C14orf39: variants seen among roughly 807,000 people sequenced by gnomAD.
C14orf39 encodes the protein chromosome 14 open reading frame 39, also known as protein SIX6OS1.
A neutral mutation model predicts 85.6 loss-of-function variants in C14orf39; 66 were observed. The ratio of observed to expected loss-of-function variants is 0.77; its 90% CI spans 0.63 to 0.95. The LOEUF (loss-of-function observed/expected upper bound fraction) is 0.95, where lower values mean the gene tolerates loss of function less well. Ranked by LOEUF, C14orf39 falls within the 40% of genes least tolerant of loss-of-function variation. The pLI, the probability that C14orf39 is intolerant of heterozygous loss-of-function variation, is 0.00. For missense variants in C14orf39, 735 were observed against 663.9 expected (o/e 1.11, Z -1.18); for synonymous variants, 242 against 214.0 (o/e 1.13, Z -1.14).
intron 5 of C14orf39, among the ~76,000 whole-genome samples, chr14:60,471,977 C>T (rs1892109573): frequency 6.6e-6 from 1 of 151,932 alleles, no homozygotes; most frequent in Non-Finnish European, 1.5e-5. Context: ...AACTCCTACT[C>T]CCACTATTTT....
rs1892751075 is a variant in C14orf39, at chr14:60,483,749, C to T, written c.175G>A (p.Asp59Asn). 6.3e-7 allele frequency: 1 copy of T among 1,588,858 alleles called. No individual in the cohort carries two copies. The highest frequency in any genetic ancestry group is 1.3e-5 in the African/African-American group (1 of 74,226). ...TTACAGTAATGATCAATTTCCTCAT[C>T]TGTTGCATTTATAGTTTCGTGTATC... ...CRIHETINAT[D>N]EEIDHYCKHS... Residue 59 changes from aspartate (D) to asparagine (N), a missense_variant, in exon 4 of 18, where the codon GAT becomes AAT. Physicochemically the swap from Asp to Asn is conservative, Grantham distance 23. Coordinates refer to ENST00000321731, the MANE Select transcript of C14orf39 (RefSeq NM_174978.3).
chr14:60,466,004 A>G lies in C14orf39; in HGVS notation c.947T>C (p.Phe316Ser). The G allele has an allele frequency of 6.4e-7, 1 of 1,564,510 alleles. No homozygotes were observed. The highest frequency in any genetic ancestry group is 8.6e-7 in the Non-Finnish European group (1 of 1,159,536). The change falls in exon 11 of 18, where the codon TTT becomes TCT. Residue 316 changes from phenylalanine to serine, a missense_variant. Coordinates refer to ENST00000321731, the MANE Select transcript of C14orf39 (RefSeq NM_174978.3). ...CTGTGTATCATTTTCTTTTTGTCTA[A>G]AGTCAATATTGGCAAGCTTTGACTG... ...AKQSKLANID[F>S]RQKENDTQIF... is the part of the protein sequence containing the mutation.
chr14:60,479,810 A>C (rs1892556059), intron 4 of C14orf39, among the ~76,000 whole-genome samples: 2 of 152,090 alleles, frequency 1.3e-5, no homozygotes, highest in Non-Finnish European at 2.9e-5. Context: ...CTATATCACA[A>C]TTTCACTGGC....
At chr14:60,470,114 C>A (rs1479862451) in intron 7 of C14orf39, among the ~76,000 whole-genome samples, 20 of 151,538 alleles carry the variant, frequency 1.3e-4, no homozygotes, top group Admixed American at 1.3e-3. Flanking sequence ...CAAAATCGAC[C>A]AAATTTCCCT....
rs371815067 is a variant in C14orf39, at chr14:60,471,578, T to C, written c.485A>G (p.Asn162Ser). The C allele has an allele frequency of 7.5e-6, 12 of 1,594,958 alleles. No individual in the cohort carries two copies. The highest frequency in any genetic ancestry group is 9.4e-6 in the Non-Finnish European group (11 of 1,174,112). The change falls in exon 6 of 18, where the codon AAT becomes AGT. Residue 162 changes from asparagine (N) to serine (S), a missense_variant. Physicochemically the swap from Asn to Ser is conservative, Grantham distance 46. Transcript: ENST00000321731. ...VLACTEQLKM[N>S]ETIFMKFRVP... is the part of the protein sequence containing the mutation. Reference sequence around the variant, plus strand: ...TCGAAATTTCATAAAAATTGTTTCATTCATTTTTAATTGTTCAGTACATGC... The same window carrying C: ...TCGAAATTTCATAAAAATTGTTTCACTCATTTTTAATTGTTCAGTACATGC...
chr14:60,503,947 G>A (rs1419429986), intron 1 of C14orf39, among the ~76,000 whole-genome samples: 1 of 152,100 alleles, frequency 6.6e-6, no homozygotes, highest in African/African-American at 2.4e-5. Context: ...AGATCCTTTG[G>A]GTCAAGGTTT....
chr14:60,503,749 T>C (rs77382350), intron 1 of C14orf39, among the ~76,000 whole-genome samples: 385 of 152,356 alleles, frequency 2.5e-3, no homozygotes, highest in Non-Finnish European at 4.3e-3. Flanking sequence ...TTATCCTAAG[T>C]ATCATTTACA....
intron 11 of C14orf39, among the ~76,000 whole-genome samples, chr14:60,464,026 C>T (rs146240643): frequency 1.9e-3 from 284 of 152,216 alleles, no homozygotes; most frequent in African/African-American, 6.2e-3. Context: ...ACCTCTCCTG[C>T]AGATAGAGGT....
intron 15 of C14orf39, 124 bp downstream of exon 15, chr14:60,456,793 G>T: frequency 1.3e-6 from 1 of 761,978 alleles, no homozygotes; most frequent in Non-Finnish European, 2.0e-6. Context: ...TCTCTTCTTT[G>T]CATGTCTGAA....
At chr14:60,490,099 C>T (rs1356324632), upstream of C14orf39, among the ~76,000 whole-genome samples, 3 of 152,154 alleles carry the variant, frequency 2.0e-5, no homozygotes, top group African/African-American at 7.2e-5. Context: ...AGCCTCCTCT[C>T]CTTCCACTCA....
rs535593448 is a variant in C14orf39, at chr14:60,469,597, T to C, written c.611A>G (p.Lys204Arg). 3.5e-4 allele frequency: 531 copies of C among 1,522,856 alleles called. 8 individuals are homozygous for C. The South Asian group carries it at 6.2e-3, about 18-fold the overall frequency. The allele number at this position is 1,522,856 out of a possible 1,614,324, so 94.3% of individuals were successfully genotyped here. Reference protein sequence around the residue: ...DILKHASNLTKSSSELKKEVD... With the variant: ...DILKHASNLTRSSSELKKEVD... ...TTCTTTCTTCAATTCGGATGAACTTTTGGTAAGATTGCTGGCATGTTTAAG... is the reference window on the plus strand; with the variant it reads ...TTCTTTCTTCAATTCGGATGAACTTCTGGTAAGATTGCTGGCATGTTTAAG... The change falls in exon 8 of 18, where the codon AAA becomes AGA. Residue 204 changes from lysine (K) to arginine (R), a missense_variant. By Grantham distance (26) the Lys-to-Arg change is conservative (BLOSUM62 2). Coordinates refer to ENST00000321731, the MANE Select transcript of C14orf39 (RefSeq NM_174978.3).
chr14:60,511,291 A>G (rs1287060604), intron 1 of C14orf39: 2 of 1,598,122 alleles, frequency 1.3e-6, no homozygotes, highest in Non-Finnish European at 1.7e-6. Flanking sequence ...ATTCCAGTGT[A>G]AAAACGAGAA....
At position 60,437,159 on chromosome 14, in the gene C14orf39, T is replaced by C. The variant is rs968762985; in HGVS notation, c.1562-112A>G. ...TAAATATGGTAACACTGAATCAGTG[T>C]TACACAGGAATACAGGTATTTAATT... On this transcript the variant is annotated intron_variant, in intron 17 of 17. Coordinates refer to ENST00000321731, the MANE Select transcript of C14orf39 (RefSeq NM_174978.3). The C allele has an allele frequency of 6.8e-5, 48 of 707,704 alleles. No individual in the cohort carries two copies. The Admixed American group carries it at 9.3e-4, about 14-fold the overall frequency. 43.8% of individuals were successfully genotyped at this position (707,704 alleles called of 1,614,324 possible). A position where few individuals can be genotyped will look rare whatever the true frequency, so the allele number is the denominator to read the frequency against.
At chr14:60,509,416 C>G in intron 1 of C14orf39, 2 of 1,599,560 alleles carry the variant, frequency 1.3e-6, no homozygotes, top group Non-Finnish European at 1.7e-6. Flanking sequence ...AGCTGCCCAT[C>G]TTGAATTTCA....
chr14:60,478,479 A>G (rs1293774074), intron 4 of C14orf39, 90 bp from the exon 5 acceptor site: 2 of 661,708 alleles, frequency 3.0e-6, no homozygotes, highest in South Asian at 3.3e-5. Flanking sequence ...TTATTTAAAG[A>G]GAAACGAATC....
chr14:60,487,318 C>A (rs574865032), upstream of C14orf39, among the ~76,000 whole-genome samples: 37 of 152,332 alleles, frequency 2.4e-4, no homozygotes, highest in South Asian at 1.2e-3. Context: ...CACCATTCTA[C>A]TCTCTGCTTC....
chr14:60,509,741 G>GT, intron 1 of C14orf39: 1 of 1,613,534 alleles, frequency 6.2e-7, no homozygotes, highest in Non-Finnish European at 8.5e-7. Flanking sequence ...CAAGTACCGA[G>GT]TAAGGAAGAA....
At chr14:60,479,103 T>G (rs1199719315) in intron 4 of C14orf39, among the ~76,000 whole-genome samples, 2 of 152,118 alleles carry the variant, frequency 1.3e-5, no homozygotes, top group African/African-American at 4.8e-5. Flanking sequence ...AAAGTATGTG[T>G]AAGAAAATAA....
chr14:60,484,823 G>T lies in C14orf39; in HGVS notation c.106+58C>A. On this transcript the variant is annotated intron_variant, in intron 3 of 17. Transcript: ENST00000321731. The surrounding 1 kb of genome is among the most constrained non-coding windows in gnomAD (Gnocchi z 4.2). ...GTTGCCCTAAACAGAGCAATTGTATGTTATATGCCATAAGGAATTAAAAGA... is the reference window on the plus strand; with the variant it reads ...GTTGCCCTAAACAGAGCAATTGTATTTTATATGCCATAAGGAATTAAAAGA... The T allele has an allele frequency of 8.0e-7, 1 of 1,249,244 alleles. No individual in the cohort carries two copies. Among genetic ancestry groups the T allele is most frequent in the Non-Finnish European group, 1.1e-6 (1 of 873,740 alleles). The allele number at this position is 1,249,244 out of a possible 1,614,324, so 77.4% of individuals were successfully genotyped here.
Sources: allele counts gnomAD v4.1 joint callset (sites outside exome capture counted in the v4.1 genomes callset), GRCh38; gene constraint gnomAD v4.1.1; non-coding constraint Gnocchi (gnomAD v3.1); transcripts MANE v1.5; gene names NCBI Gene and HGNC (gene_info 2026-07-23, HGNC 2026-07-21).